The following KCND2 variants were observed in gnomAD, a reference collection of about 807,000 sequenced individuals.
KCND2 encodes A-type voltage-gated potassium channel KCND2.
A neutral mutation model predicts 54.4 loss-of-function variants in KCND2; 16 were observed. The observed-to-expected ratio is 0.29, with a 90% confidence interval of 0.20 to 0.45. The LOEUF (loss-of-function observed/expected upper bound fraction) is 0.45, where lower values mean the gene tolerates loss of function less well. KCND2 is among the 20% of genes least tolerant of loss of function. KCND2 has a pLI of 1.00. For missense variants in KCND2, 486 were observed against 824.2 expected (o/e 0.59, Z 5.02); for synonymous variants, 317 against 310.7 (o/e 1.02, Z -0.21).
chr7:120,722,093 T>G (rs1199690235), intron 1 of KCND2, among the ~76,000 whole-genome samples: 1 of 152,142 alleles, frequency 6.6e-6, no homozygotes, highest in Non-Finnish European at 1.5e-5. Flanking sequence ...TCTCCTTCCT[T>G]TATAAATTGT....
intron 1 of KCND2, among the ~76,000 whole-genome samples, chr7:120,477,543 T>A (rs2116273282): frequency 6.6e-6 from 1 of 152,308 alleles, no homozygotes; most frequent in South Asian, 2.1e-4. Context: ...ACTACCTTCA[T>A]GTGGCTATAG....
intron 1 of KCND2, among the ~76,000 whole-genome samples, chr7:120,400,468 T>A (rs1388161132): frequency 6.6e-6 from 1 of 152,340 alleles, no homozygotes; most frequent in East Asian, 1.9e-4. Flanking sequence ...ATTGATTGTC[T>A]GTCTTTCCCA....
At chr7:120,431,539 G>A (rs7793195) in intron 1 of KCND2, among the ~76,000 whole-genome samples, 13 of 152,036 alleles carry the variant, frequency 8.6e-5, no homozygotes, top group Admixed American at 8.5e-4. Context: ...TTCTCCACAC[G>A]TGCCTTTTCA....
At chr7:120,745,004 A>G (rs1792988234) in intron 4 of KCND2, among the ~76,000 whole-genome samples, 1 of 152,146 alleles carries the variant, frequency 6.6e-6, no homozygotes, top group South Asian at 2.1e-4. Flanking sequence ...AATGATGCCT[A>G]TTGCTATTTG....
At chr7:120,306,630 C>T (rs937757270) in intron 1 of KCND2, among the ~76,000 whole-genome samples, 9 of 151,898 alleles carry the variant, frequency 5.9e-5, no homozygotes, top group Non-Finnish European at 7.4e-5. Flanking sequence ...TATTCAAAAT[C>T]GACTAATAAT....
intron 1 of KCND2, among the ~76,000 whole-genome samples, chr7:120,449,048 A>T (rs897113589): frequency 3.3e-5 from 5 of 152,102 alleles, no homozygotes; most frequent in Non-Finnish European, 7.4e-5. Flanking sequence ...ATCTTTTCTC[A>T]GCCAGGCGCG....
intron 1 of KCND2, among the ~76,000 whole-genome samples, chr7:120,338,569 G>T (rs1800185350): frequency 1.3e-5 from 2 of 151,332 alleles, no homozygotes; most frequent in Admixed American, 1.3e-4. Flanking sequence ...TTTTCTATAG[G>T]CCTAGTATTT....
intron 1 of KCND2, among the ~76,000 whole-genome samples, chr7:120,486,693 T>C (rs1011772455): frequency 2.0e-5 from 3 of 151,922 alleles, no homozygotes; most frequent in African/African-American, 7.2e-5. Context: ...TATTGTCTTT[T>C]TTTTTTTTCC....
chr7:120,703,136 C>T (rs935836047), intron 1 of KCND2, among the ~76,000 whole-genome samples: 3 of 152,214 alleles, frequency 2.0e-5, no homozygotes, highest in Non-Finnish European at 4.4e-5. Context: ...TCCTGAATGG[C>T]GGCTGTCAAA....
chr7:120,466,171 T>C (rs949591852), intron 1 of KCND2, among the ~76,000 whole-genome samples: 2 of 152,142 alleles, frequency 1.3e-5, no homozygotes, highest in African/African-American at 4.8e-5. Context: ...GAAAAACCAC[T>C]CCTGGTTGAG....
At chr7:120,282,846 A>T (rs1456985365) in intron 1 of KCND2, among the ~76,000 whole-genome samples, 1 of 152,114 alleles carries the variant, frequency 6.6e-6, no homozygotes. Context: ...AACATAATAG[A>T]CCTTTGTTGA....
At chr7:120,620,438 C>CA (rs1562889909) in intron 1 of KCND2, among the ~76,000 whole-genome samples, 2 of 151,988 alleles carry the variant, frequency 1.3e-5, no homozygotes, top group Middle Eastern at 3.4e-3. Flanking sequence ...AAAACTAAAT[C>CA]AAAAAAATAA....
intron 1 of KCND2, among the ~76,000 whole-genome samples, chr7:120,404,304 G>A (rs1801316771): frequency 6.6e-6 from 1 of 152,092 alleles, no homozygotes; most frequent in African/African-American, 2.4e-5. Context: ...TCTCATTAGT[G>A]CCATAGGTTT....
intron 1 of KCND2, among the ~76,000 whole-genome samples, chr7:120,319,945 T>G (rs1799870207): frequency 6.6e-6 from 1 of 152,096 alleles, no homozygotes; most frequent in Non-Finnish European, 1.5e-5. Flanking sequence ...TGGTTAGCAT[T>G]GAATGGTAGA....
chr7:120,503,686 T>G (rs537130242), intron 1 of KCND2, among the ~76,000 whole-genome samples: 43 of 152,114 alleles, frequency 2.8e-4, no homozygotes, highest in African/African-American at 9.9e-4. Flanking sequence ...TATATTTAGT[T>G]CCGTCTCGAT....
intron 1 of KCND2, among the ~76,000 whole-genome samples, chr7:120,474,790 C>T (rs1802510474): frequency 6.6e-6 from 1 of 152,132 alleles, no homozygotes; most frequent in African/African-American, 2.4e-5. Flanking sequence ...TCCCAGGACA[C>T]GTAAAGCTTA....
intron 1 of KCND2, among the ~76,000 whole-genome samples, chr7:120,594,876 T>C (rs1325586946): frequency 1.3e-5 from 2 of 151,346 alleles, no homozygotes; most frequent in Non-Finnish European, 2.9e-5. Context: ...AAAAATTAGC[T>C]GGGCATGGTA....
intron 1 of KCND2, among the ~76,000 whole-genome samples, chr7:120,495,761 GCC>G (rs1416358649): frequency 6.6e-6 from 1 of 152,098 alleles, no homozygotes; most frequent in East Asian, 1.9e-4. Flanking sequence ...TCTCACCCAT[GCC>G]CTGCCCCACC....
chr7:120,315,884 A>G (rs1799805365), intron 1 of KCND2, among the ~76,000 whole-genome samples: 1 of 151,834 alleles, frequency 6.6e-6, no homozygotes, highest in Admixed American at 6.6e-5. Flanking sequence ...ACTGATGAAA[A>G]TTGAAGGTGA....
Sources: gnomAD v4.1 joint callset for allele counts (sites outside exome capture counted in the v4.1 genomes callset) on GRCh38, gnomAD v4.1.1 for gene constraint, MANE v1.5 for transcripts, NCBI Gene and HGNC (gene_info 2026-07-23, HGNC 2026-07-21) for gene names.